FANCB: variants seen among roughly 807,000 people sequenced by gnomAD.
FANCB encodes Fanconi anemia group B protein.
In FANCB, 5 loss-of-function variants were observed where a neutral mutation model predicts 38.9. That is an observed-to-expected ratio of 0.13 (90% CI 0.07 to 0.27). The LOEUF is 0.27. FANCB is among the 10% of genes least tolerant of loss of function. The probability of loss-of-function intolerance (pLI) is 1.00; values close to 1 mark genes in which losing one functional copy is unlikely to be tolerated. For synonymous variants in FANCB, 236 were observed against 215.4 expected, an observed-to-expected ratio of 1.10 and a Z score of -0.84; for missense variants, 573 against 602.7, an observed-to-expected ratio of 0.95 and a Z score of 0.52.
chrX:14,840,097 G>A (rs778464111), downstream of FANCB, among the ~76,000 whole-genome samples: 6 of 111,548 alleles, frequency 5.4e-5, no homozygotes, highest in South Asian at 1.5e-3. Flanking sequence ...TCAGGTGATC[G>A]GCCCACCTCA....
At chrX:14,854,932 T>C (rs1046452190) in intron 5 of FANCB, among the ~76,000 whole-genome samples, 1 of 111,913 alleles carries the variant, frequency 8.9e-6, no homozygotes, top group African/African-American at 3.3e-5. Flanking sequence ...AAGTTTTTTG[T>C]GTGTTTTGCT....
the FANCB span, among the ~76,000 whole-genome samples, chrX:14,754,008 A>G: frequency 8.9e-6 from 1 of 112,251 alleles, no homozygotes; most frequent in Non-Finnish European, 1.9e-5. Context: ...AGAGAAGCCA[A>G]TGTTTGCCCC....
At chrX:14,849,578 C>T in intron 7 of FANCB, among the ~76,000 whole-genome samples, 1 of 112,318 alleles carries the variant, frequency 8.9e-6, no homozygotes, top group Admixed American at 9.4e-5. Flanking sequence ...ATGCACAATA[C>T]TTCTCTATCC....
At chrX:14,690,938 A>G in the FANCB span, 4 of 1,034,281 alleles carry the variant, frequency 3.9e-6, no homozygotes, top group Non-Finnish European at 5.4e-6. Context: ...ACAGAAGAGC[A>G]CACAATAAGC....
chrX:14,791,821 A>G, the FANCB span, among the ~76,000 whole-genome samples: 1 of 112,318 alleles, frequency 8.9e-6, no homozygotes, highest in Non-Finnish European at 1.9e-5. Context: ...TGAAGCAATG[A>G]TAAACCCTCC....
the FANCB span, among the ~76,000 whole-genome samples, chrX:14,770,609 A>T: frequency 1.1e-4 from 12 of 111,470 alleles, no homozygotes; most frequent in African/African-American, 3.9e-4. Flanking sequence ...TGTGCGTTTT[A>T]TTTGGGGCAT....
chrX:14,761,296 C>T, the FANCB span, among the ~76,000 whole-genome samples: 185 of 111,228 alleles, frequency 1.7e-3, 1 homozygote, highest in Non-Finnish European at 3.1e-3. Context: ...AGCTACCATG[C>T]CCCACCTAAA....
downstream of FANCB, among the ~76,000 whole-genome samples, chrX:14,838,786 T>A (rs1201302615): frequency 8.9e-6 from 1 of 112,449 alleles, no homozygotes; most frequent in Non-Finnish European, 1.9e-5. Flanking sequence ...TTAGTACATA[T>A]GTTATCATTG....
At chrX:14,704,820 A>T in the FANCB span, among the ~76,000 whole-genome samples, 1 of 112,187 alleles carries the variant, frequency 8.9e-6, no homozygotes. Flanking sequence ...TAAGGGGCAG[A>T]TAAAAAAAAC....
At chrX:14,778,287 TCTTAA>T in the FANCB span, among the ~76,000 whole-genome samples, 4 of 111,528 alleles carry the variant, frequency 3.6e-5, no homozygotes, top group African/African-American at 1.3e-4. Context: ...TTTCTGGTTT[TCTTAA>T]CTTGAGAAAG....
At chrX:14,743,664 G>A in the FANCB span, among the ~76,000 whole-genome samples, 49 of 107,924 alleles carry the variant, frequency 4.5e-4, no homozygotes, top group South Asian at 1.2e-3. Context: ...GAGCTTTTGA[G>A]GTCACTGTAT....
chrX:14,731,368 T>G, the FANCB span: 1 of 111,885 alleles, frequency 8.9e-6, no homozygotes, highest in Admixed American at 9.6e-5. Context: ...ACACGTGACT[T>G]TAATCGCCCA....
At chrX:14,867,218 A>C (rs183792074) in intron 2 of FANCB, among the ~76,000 whole-genome samples, 164 of 111,776 alleles carry the variant, frequency 1.5e-3, no homozygotes, top group Middle Eastern at 4.6e-3. Context: ...TCTTCACAGA[A>C]ATAGAAAAAA....
At chrX:14,798,068 T>TA in the FANCB span, among the ~76,000 whole-genome samples, 4 of 112,106 alleles carry the variant, frequency 3.6e-5, no homozygotes, top group African/African-American at 6.5e-5. Context: ...CTTCCTATGA[T>TA]AAAAAACTCA....
the FANCB span, among the ~76,000 whole-genome samples, chrX:14,829,198 C>T: frequency 9.0e-6 from 1 of 111,654 alleles, no homozygotes; most frequent in Admixed American, 9.5e-5. Context: ...TAATATTTTG[C>T]CAGAAATCTT....
the FANCB span, among the ~76,000 whole-genome samples, chrX:14,698,681 CAAAAAAAAAAA>C: frequency 1.4e-4 from 3 of 21,125 alleles, no homozygotes; most frequent in Admixed American, 8.7e-4. Context: ...CTATCTATCT[CAAAAAAAAAAA>C]AAAAAAAAAA....
the FANCB span, among the ~76,000 whole-genome samples, chrX:14,753,190 C>T: frequency 9.0e-6 from 1 of 111,651 alleles, no homozygotes; most frequent in African/African-American, 3.3e-5. Flanking sequence ...CTACAGTTCA[C>T]ATTCCAATTC....
At chrX:14,781,914 A>T in the FANCB span, among the ~76,000 whole-genome samples, 1 of 112,248 alleles carries the variant, frequency 8.9e-6, no homozygotes, top group African/African-American at 3.2e-5. Context: ...GCCTTATCCA[A>T]CTGGCCACAC....
chrX:14,692,895 T>C, the FANCB span, among the ~76,000 whole-genome samples: 2 of 111,499 alleles, frequency 1.8e-5, no homozygotes, highest in Non-Finnish European at 3.8e-5. Context: ...AAAGACTAAT[T>C]TTTAAAAAAG....
Sources: gnomAD v4.1 joint callset for allele counts (sites outside exome capture counted in the v4.1 genomes callset) on GRCh38, gnomAD v4.1.1 for gene constraint, MANE v1.5 for transcripts, NCBI Gene and HGNC (gene_info 2026-07-23, HGNC 2026-07-21) for gene names.